Variants in MYOF observed in about 807,000 individuals in gnomAD.
MYOF encodes myoferlin.
MYOF carries 244 observed loss-of-function variants against 284.2 expected under a neutral mutation model. That is an observed-to-expected ratio of 0.86 (90% CI 0.77 to 0.95). MYOF has a LOEUF of 0.95. Ranked by LOEUF, MYOF falls within the 40% of genes least tolerant of loss-of-function variation. The probability of loss-of-function intolerance (pLI) is 0.00; values close to 1 mark genes in which losing one functional copy is unlikely to be tolerated. For synonymous variants in MYOF, 904 were observed against 919.7 expected (o/e 0.98, Z 0.31); for missense variants, 2,496 against 2,560.6 (o/e 0.97, Z 0.54).
Position 93,313,028 on chromosome 10 carries a change from C to G in MYOF, c.5881G>C (p.Val1961Leu), listed in dbSNP as rs201400625. ...CCAGGAAATGTTCATACAGCCATTACGCGGGCGCCATCTTTCTCTGCGTAG... is the reference window on the plus strand; with the variant it reads ...CCAGGAAATGTTCATACAGCCATTAGGCGGGCGCCATCTTTCTCTGCGTAG... ...PCYAEKDGARVMAGKVEMTLE... is the reference protein window; with the variant it reads ...PCYAEKDGARLMAGKVEMTLE... The change falls in exon 51 of 54, where the codon GTA (valine) becomes CTA (leucine). Residue 1961 changes from valine to leucine, a missense_variant. This residue lies in a region of MYOF where 2,436 missense variants were observed against 2,480.7 expected (regional missense o/e 0.98). Transcript: ENST00000359263. The G allele has an allele frequency of 2.5e-6, 4 of 1,609,178 alleles. No individual in the cohort carries two copies. The highest frequency in any genetic ancestry group is 1.7e-6 in the Non-Finnish European group (2 of 1,178,194).
chr10:93,460,252 G>A (rs1196118550), intron 1 of MYOF, among the ~76,000 whole-genome samples: 1 of 152,190 alleles, frequency 6.6e-6, no homozygotes, highest in African/African-American at 2.4e-5. Flanking sequence ...CCAGGAAACA[G>A]AGAACACGGA....
intron 26 of MYOF, among the ~76,000 whole-genome samples, chr10:93,365,257 A>G (rs1312803955): frequency 6.6e-6 from 1 of 152,202 alleles, no homozygotes; most frequent in Non-Finnish European, 1.5e-5. Context: ...TTAAAATTCA[A>G]CTTCACAAGG....
intron 50 of MYOF, among the ~76,000 whole-genome samples, chr10:93,316,422 T>G (rs982911453): frequency 6.6e-6 from 1 of 151,698 alleles, no homozygotes; most frequent in Non-Finnish European, 1.5e-5. Flanking sequence ...GTGGCTGGTT[T>G]GAAAGTGGAT....
chr10:93,346,749 A>G (rs1217695956), intron 37 of MYOF, among the ~76,000 whole-genome samples: 1 of 152,196 alleles, frequency 6.6e-6, no homozygotes, highest in African/African-American at 2.4e-5. Flanking sequence ...GATATTTATC[A>G]CACTGGACTG....
chr10:93,332,572 G>T (rs1019195812), intron 43 of MYOF, among the ~76,000 whole-genome samples: 3 of 150,798 alleles, frequency 2.0e-5, no homozygotes, highest in Non-Finnish European at 3.0e-5. Flanking sequence ...TCAGCCTGTC[G>T]CGGTGGCTCA....
intron 46 of MYOF, 193 bp from the exon 47 acceptor site, chr10:93,323,551 C>T: frequency 7.0e-6 from 4 of 573,422 alleles, no homozygotes; most frequent in Non-Finnish European, 1.2e-5. Context: ...TTTAGGCCAC[C>T]CACTTTCCAT....
At chr10:93,395,791 G>T (rs548648004) in intron 16 of MYOF, among the ~76,000 whole-genome samples, 120 of 151,796 alleles carry the variant, frequency 7.9e-4, no homozygotes, top group African/African-American at 2.8e-3. Context: ...TAAAAAATAA[G>T]GTGCTAGCTC....
chr10:93,322,001 GAA>G (rs35401583), intron 48 of MYOF, among the ~76,000 whole-genome samples: 68 of 147,872 alleles, frequency 4.6e-4, no homozygotes, highest in East Asian at 1.8e-3. Context: ...TCCCTGATTT[GAA>G]AAAAAAAAAA....
chr10:93,440,708 T>C (rs2056223655), intron 3 of MYOF, among the ~76,000 whole-genome samples: 1 of 152,206 alleles, frequency 6.6e-6, no homozygotes, highest in South Asian at 2.1e-4. Flanking sequence ...TCCAATGACC[T>C]TGCAAATTAT....
At position 93,366,168 on chromosome 10, in the gene MYOF, C is replaced by T. The variant is rs1018966618; in HGVS notation, c.2753+224G>A. 1.2e-4 allele frequency among the ~76,000 whole-genome samples: 18 copies of T among 152,194 alleles called. No individual in the cohort carries two copies. In the South Asian group the frequency reaches 2.1e-3, roughly 18 times the overall value. On this transcript the variant is annotated intron_variant, in intron 26 of 53. Transcript: ENST00000359263. The stretch of plus-strand genomic sequence containing the variant: ...TGCCCAGCACACTGCCTGACACAGT[C>T]AAGCATAATAATTTCTCAAAATGTT...
rs1210675451 is a variant in MYOF, at chr10:93,472,271, T to A, written c.88+9836A>T. Reference sequence around the variant, plus strand: ...ATGAAATAAAGAAGAAAAAAAGAAGTGTTGTCAAGGCTGTGGAGAAATTGG... The same window carrying A: ...ATGAAATAAAGAAGAAAAAAAGAAGAGTTGTCAAGGCTGTGGAGAAATTGG... On this transcript the variant is annotated intron_variant, in intron 1 of 53. Transcript: ENST00000359263. Among the ~76,000 whole-genome samples, 48 of 152,206 alleles carry A rather than the reference T, an allele frequency of 3.2e-4. 1 individual carries two copies. The highest frequency in any genetic ancestry group is 1.5e-5 in the Non-Finnish European group (1 of 68,002).
chr10:93,333,761 G>A lies in MYOF; in HGVS notation c.4716C>T (p.Gly1572=). Residue 1572 remains glycine (G), a synonymous_variant, in exon 42 of 54, where the codon GGC becomes GGT. Coordinates refer to ENST00000359263, the MANE Select transcript of MYOF (RefSeq NM_013451.4). ...GGCCCCACACCCAAACTCTTACCAG[G>A]CCATTGTTGTCCTGGGGCTGGAGCT... ...GLELQPQDNN[G]LCDPYIKITL... 6.2e-7 allele frequency: 1 copy of A among 1,614,080 alleles called. No individual in the cohort carries two copies.
chr10:93,378,001 A>C lies in MYOF; in HGVS notation c.2002-572T>G, dbSNP rs370258802. On this transcript the variant is annotated intron_variant, in intron 21 of 53. Transcript: ENST00000359263. ...TGTGTCTGTGCAAATTCGTTTGCTG[A>C]GAAGGCCTAGAAGCAATGATATTTC... 5.3e-5 allele frequency among the ~76,000 whole-genome samples: 8 copies of C among 152,372 alleles called. No homozygotes were observed. In the East Asian group the frequency reaches 1.2e-3, roughly 22 times the overall value.
intron 16 of MYOF, among the ~76,000 whole-genome samples, chr10:93,393,409 G>C (rs549588231): frequency 6.6e-6 from 1 of 152,108 alleles, no homozygotes; most frequent in African/African-American, 2.4e-5. Context: ...TTTCTTTGTC[G>C]GGGGGAGGGC....
rs3081452 is a variant in MYOF, at chr10:93,344,726, T to TA, written c.4250-795dup. 9.3e-4 allele frequency among the ~76,000 whole-genome samples: 71 copies of TA among 76,216 alleles called. 1 individual carries two copies. Among genetic ancestry groups the TA allele is most frequent in the Non-Finnish European group, 1.1e-3 (44 of 39,044 alleles). The allele number at this position is 76,216 out of a possible 152,430, so 50.0% of individuals were successfully genotyped here. On this transcript the variant is annotated intron_variant, in intron 37 of 53. Coordinates refer to ENST00000359263, the MANE Select transcript of MYOF (RefSeq NM_013451.4). ...TGCACATGTATCCCAGAACTTAAAT[T>TA]AAAAAAAAAAAAAAAAAAAAAAAAA...
chr10:93,364,482 C>G (rs963595552), intron 26 of MYOF, among the ~76,000 whole-genome samples: 4 of 152,140 alleles, frequency 2.6e-5, no homozygotes, highest in Non-Finnish European at 5.9e-5. Context: ...GGGAGCTGTC[C>G]CCACTATTTT....
rs114288940 is a variant in MYOF at position 93,377,393 on chromosome 10, C to T, written c.2038G>A (p.Gly680Ser). Residue 680 changes from glycine (G) to serine (S), a missense_variant, in exon 22 of 54, where the codon GGT becomes AGT. Gly to Ser is a moderately conservative substitution (Grantham distance 56). This residue lies in a region of MYOF where 2,436 missense variants were observed against 2,480.7 expected (regional missense o/e 0.98). Coordinates refer to ENST00000359263, the MANE Select transcript of MYOF (RefSeq NM_013451.4). ...NIEALKSGIQGKIPANQLAEL... is the reference protein window; with the variant it reads ...NIEALKSGIQSKIPANQLAEL... ...GCCAGCTGGTTTGCAGGAATTTTAC[C>T]TTGTATCCCTGATTTTAGAGCTTCT... is the stretch of plus-strand genomic sequence containing the variant. 2 of 1,613,928 alleles carry T rather than the reference C, an allele frequency of 1.2e-6. No homozygotes were observed. The highest frequency in any genetic ancestry group is 2.7e-5 in the African/African-American group (2 of 75,004).
chr10:93,447,203 C>G lies in MYOF; in HGVS notation c.236+4847G>C, dbSNP rs542004097. ...AATGTGCAGGTTCAGATAGACTGCACGTGAACTTGTGATACTCTACCTTGT... is the reference window on the plus strand; with the variant it reads ...AATGTGCAGGTTCAGATAGACTGCAGGTGAACTTGTGATACTCTACCTTGT... On this transcript the variant is annotated intron_variant, in intron 3 of 53. Transcript: ENST00000359263. Among the ~76,000 whole-genome samples the G allele has an allele frequency of 3.9e-5, 6 of 152,318 alleles. No individual in the cohort carries two copies. In the South Asian group the frequency reaches 1.2e-3, roughly 32 times the overall value.
At chr10:93,363,722 A>C (rs1273213338) in intron 27 of MYOF, among the ~76,000 whole-genome samples, 2 of 152,238 alleles carry the variant, frequency 1.3e-5, no homozygotes, top group African/African-American at 4.8e-5. Flanking sequence ...TTTACCTAAA[A>C]AATTTGCACA....
Sources: gnomAD v4.1 joint callset for allele counts (sites outside exome capture counted in the v4.1 genomes callset) on GRCh38, gnomAD v4.1.1 for gene constraint, gnomAD v4.1.1 regional missense constraint, MANE v1.5 for transcripts, NCBI Gene and HGNC (gene_info 2026-07-23, HGNC 2026-07-21) for gene names.